The following NAV2 variants were observed in gnomAD, a reference collection of about 807,000 sequenced individuals.
NAV2 encodes neuron navigator 2, also known as helicase, APC down-regulated 1.
In NAV2, 54 loss-of-function variants were observed where a neutral mutation model predicts 223.2. That is an observed-to-expected ratio of 0.24 (90% confidence interval 0.19 to 0.30). The LOEUF (loss-of-function observed/expected upper bound fraction) is 0.30. Ranked by LOEUF, NAV2 falls within the 10% of genes least tolerant of loss-of-function variation. The pLI is 1.00. For synonymous variants in NAV2, 1,279 were observed against 1,239.3 expected (o/e 1.03, Z -0.67); for missense variants, 2,806 against 3,147.5 (o/e 0.89, Z 2.60).
intron 1 of NAV2, among the ~76,000 whole-genome samples, chr11:19,517,979 A>G (rs1475121246): frequency 6.6e-6 from 1 of 152,240 alleles, no homozygotes; most frequent in Admixed American, 6.5e-5. Context: ...TGTGCTTTGT[A>G]AAAATACAAG....
chr11:19,948,627 G>T, intron 9 of NAV2, 64 bp from the exon 10 acceptor site: 1 of 1,447,720 alleles, frequency 6.9e-7, no homozygotes, highest in South Asian at 1.5e-5. Flanking sequence ...AATAATTAAA[G>T]AACATATAAA....
At chr11:19,679,958 G>A (rs2048833627) in intron 1 of NAV2, among the ~76,000 whole-genome samples, 1 of 152,256 alleles carries the variant, frequency 6.6e-6, no homozygotes, top group Admixed American at 6.5e-5. Context: ...TTGGGCACAA[G>A]AGAGGCCAGG....
At chr11:19,980,509 C>T (rs771542412) in intron 10 of NAV2, among the ~76,000 whole-genome samples, 1 of 152,198 alleles carries the variant, frequency 6.6e-6, no homozygotes, top group Non-Finnish European at 1.5e-5. Context: ...GTGTGAGCCT[C>T]TTATAAAAGC....
intron 1 of NAV2, among the ~76,000 whole-genome samples, chr11:19,459,530 A>G (rs1852080661): frequency 6.6e-6 from 1 of 152,192 alleles, no homozygotes; most frequent in African/African-American, 2.4e-5. Context: ...TCTAAGGTAG[A>G]ATGAGTGGAG....
rs2057765760 is a variant in NAV2 at position 20,049,447 on chromosome 11, A to G, written c.4370+252A>G. The G allele has an allele frequency of 7.4e-6, 4 of 542,442 alleles. No individual in the cohort carries two copies. The South Asian group carries it at 1.1e-4, about 15-fold the overall frequency. 33.6% of individuals were successfully genotyped at this position (542,442 alleles called of 1,614,324 possible). A position where few individuals can be genotyped will look rare whatever the true frequency, so the allele number is the denominator to read the frequency against. On this transcript the variant is annotated intron_variant, in intron 15 of 37. Coordinates refer to ENST00000349880, the MANE Select transcript of NAV2 (RefSeq NM_145117.5). ...CTCTCGGGGGCAGATTTATGCTACC[A>G]TTTGAAATGGCATTCAGCTTTTGAA... is the stretch of plus-strand genomic sequence containing the variant.
At chr11:19,957,537 A>G (rs4757866) in intron 10 of NAV2, among the ~76,000 whole-genome samples, 138,321 of 152,274 alleles carry the variant, frequency 0.91, 62,915 homozygotes, top group East Asian at 0.98. Flanking sequence ...AATATCAGTC[A>G]TCCCTGATGG....
chr11:19,404,817 G>A (rs3108805), intron 1 of NAV2, among the ~76,000 whole-genome samples: 1 of 152,032 alleles, frequency 6.6e-6, no homozygotes, highest in Non-Finnish European at 1.5e-5. Context: ...AATTTTAAAC[G>A]CACACTCCTA....
chr11:19,550,862 A>G (rs904281686), intron 1 of NAV2, among the ~76,000 whole-genome samples: 2 of 152,216 alleles, frequency 1.3e-5, no homozygotes, highest in South Asian at 2.1e-4. Flanking sequence ...AACACTCAAG[A>G]GTTACTGCCC....
chr11:19,886,738 A>G (rs2041019215), intron 5 of NAV2, among the ~76,000 whole-genome samples: 1 of 152,200 alleles, frequency 6.6e-6, no homozygotes, highest in Non-Finnish European at 1.5e-5. Flanking sequence ...TCAGTCCCAG[A>G]TGATGGAAGA....
intron 1 of NAV2, among the ~76,000 whole-genome samples, chr11:19,794,274 T>C (rs7126935): frequency 0.83 from 126,772 of 152,196 alleles, 54,185 homozygotes; most frequent in South Asian, 0.96. Flanking sequence ...AAGCCAGCGA[T>C]GGTTCCTCCT....
intron 1 of NAV2, among the ~76,000 whole-genome samples, chr11:19,379,453 T>A (rs540457355): frequency 6.6e-6 from 1 of 152,238 alleles, no homozygotes; most frequent in African/African-American, 2.4e-5. Flanking sequence ...TTCACATCTG[T>A]ACATCATACT....
chr11:20,085,223 C>A (rs1332635291), intron 26 of NAV2, among the ~76,000 whole-genome samples: 1 of 151,238 alleles, frequency 6.6e-6, no homozygotes, highest in Non-Finnish European at 1.5e-5. Context: ...TAAACAGATT[C>A]TCCACCCCTG....
chr11:19,711,258 G>C (rs1336841155), upstream of NAV2: 1 of 152,136 alleles, frequency 6.6e-6, no homozygotes, highest in Non-Finnish European at 1.5e-5. Context: ...TTGTCACTTT[G>C]GGCCACTATA....
intron 1 of NAV2, among the ~76,000 whole-genome samples, chr11:19,409,015 A>AG (rs1329493643): frequency 7.1e-6 from 1 of 141,216 alleles, no homozygotes; most frequent in Admixed American, 7.0e-5. Flanking sequence ...GGGTGGGGAG[A>AG]GGGGGGCTCT....
rs2045649367 is a variant in NAV2, at chr11:19,934,294, A to T, written c.2033+17A>T. 1.3e-6 allele frequency: 2 copies of T among 1,549,962 alleles called. No individual in the cohort carries two copies. The highest frequency in any genetic ancestry group is 1.7e-6 in the Non-Finnish European group (2 of 1,146,016). ...CCTGTACAGGTAGGAGCTGCCACCC[A>T]CCTGTGCTGCCTGGGACATTGGGTA... On this transcript the variant is annotated intron_variant, in intron 7 of 37. Transcript: ENST00000349880.
rs373669949 is a variant in NAV2, at chr11:19,421,764, CTTTTTTTTT to C, written c.75+70752_75+70760del. ...CCCATGAAGTGCCTTAAGAGAGAGGCTTTTTTTTTTTTTTTTTTTTTTTGCCCAAGCATG... is the reference window on the plus strand; with the variant it reads ...CCCATGAAGTGCCTTAAGAGAGAGGCTTTTTTTTTTTTTTGCCCAAGCATG... On this transcript the variant is annotated intron_variant, in intron 1 of 37. Coordinates refer to the NAV2 transcript ENST00000360655. Among the ~76,000 whole-genome samples the C allele has an allele frequency of 2.2e-4, 19 of 84,546 alleles. 1 individual carries two copies. Among genetic ancestry groups the C allele is most frequent in the African/African-American group, 5.7e-4 (12 of 20,892 alleles). The allele number at this position is 84,546 out of a possible 152,430, so 55.5% of individuals were successfully genotyped here. A position where few individuals can be genotyped will look rare whatever the true frequency, so the allele number is the denominator to read the frequency against.
intron 1 of NAV2, among the ~76,000 whole-genome samples, chr11:19,496,902 C>G (rs777780355): frequency 6.6e-6 from 1 of 152,198 alleles, no homozygotes; most frequent in East Asian, 1.9e-4. Context: ...CAGCTTGGCT[C>G]TCAATGACAA....
At chr11:19,555,012 C>CAAAAAAAAAAAAAAAA (rs66625282) in intron 1 of NAV2, among the ~76,000 whole-genome samples, 1 of 141,554 alleles carries the variant, frequency 7.1e-6, no homozygotes, top group African/African-American at 2.7e-5. Context: ...CCATGTTTTG[C>CAAAAAAAAAAAAAAAA]AAAAAAAAAA....
chr11:19,363,772 T>C (rs894443602), intron 1 of NAV2, among the ~76,000 whole-genome samples: 3 of 152,132 alleles, frequency 2.0e-5, no homozygotes, highest in African/African-American at 7.2e-5. Context: ...CCCAAGACCT[T>C]CTCTTCAGGT....
Sources: gnomAD v4.1 joint callset for allele counts (sites outside exome capture counted in the v4.1 genomes callset) on GRCh38, gnomAD v4.1.1 for gene constraint, MANE v1.5 for transcripts, NCBI Gene and HGNC (gene_info 2026-07-23, HGNC 2026-07-21) for gene names.